Variants in RAB38 observed in about 807,000 individuals in gnomAD.
RAB38 encodes the protein RAB38, member RAS oncogene family, also known as ras-related protein Rab-38.
RAB38 carries 15 observed loss-of-function variants against 18.4 expected under a neutral mutation model. That is an observed-to-expected ratio of 0.82 (90% CI 0.55 to 1.26). The LOEUF is 1.26. Ranked by LOEUF, RAB38 falls within the 50% of genes most tolerant of loss-of-function variation. The probability of loss-of-function intolerance (pLI) is 0.00; values close to 1 mark genes in which losing one functional copy is unlikely to be tolerated. For synonymous variants in RAB38, 101 were observed against 104.4 expected, an observed-to-expected ratio of 0.97 and a Z score of 0.20; for missense variants, 294 against 267.4, an observed-to-expected ratio of 1.10 and a Z score of -0.69.
chr11:88,023,002 G>T, the RAB38 span, among the ~76,000 whole-genome samples: 4 of 152,020 alleles, frequency 2.6e-5, no homozygotes, highest in Non-Finnish European at 5.9e-5. Flanking sequence ...CCTTTTGGAG[G>T]GTATAGAGTG....
chr11:88,004,201 G>A, the RAB38 span, among the ~76,000 whole-genome samples: 126,751 of 149,498 alleles, frequency 0.85, 53,854 homozygotes, highest in South Asian at 0.91. Context: ...ACAGATGAAA[G>A]GACATACATT....
intron 2 of RAB38, among the ~76,000 whole-genome samples, chr11:88,136,605 A>G (rs946717195): frequency 2.6e-5 from 4 of 152,200 alleles, no homozygotes; most frequent in Non-Finnish European, 4.4e-5. Context: ...AGAAAGCTGG[A>G]AAGAATGAGA....
At chr11:87,947,332 G>A in the RAB38 span, among the ~76,000 whole-genome samples, 1 of 152,130 alleles carries the variant, frequency 6.6e-6, no homozygotes, top group African/African-American at 2.4e-5. Context: ...CTCCCATTCT[G>A]TAGGCTGCCT....
At chr11:88,035,343 T>C in the RAB38 span, among the ~76,000 whole-genome samples, 2 of 152,168 alleles carry the variant, frequency 1.3e-5, no homozygotes, top group Non-Finnish European at 2.9e-5. Context: ...TTTTATTCTC[T>C]AACAACTTTT....
chr11:87,960,675 T>TA, the RAB38 span, among the ~76,000 whole-genome samples: 2 of 152,168 alleles, frequency 1.3e-5, no homozygotes, highest in Non-Finnish European at 2.9e-5. Context: ...TAACCTGCAT[T>TA]TCGGTTACAT....
At chr11:88,171,908 T>C (rs915295772) in intron 1 of RAB38, among the ~76,000 whole-genome samples, 4 of 152,250 alleles carry the variant, frequency 2.6e-5, no homozygotes, top group African/African-American at 9.6e-5. Context: ...CTAATCAAGA[T>C]AAAATTTTCA....
the RAB38 span, among the ~76,000 whole-genome samples, chr11:88,011,764 G>T: frequency 2.6e-5 from 4 of 151,998 alleles, no homozygotes; most frequent in Non-Finnish European, 4.4e-5. Flanking sequence ...TCATCCACAG[G>T]GTAGAAAATT....
chr11:87,843,994 A>G, the RAB38 span, among the ~76,000 whole-genome samples: 2 of 152,200 alleles, frequency 1.3e-5, no homozygotes, highest in East Asian at 1.9e-4. Flanking sequence ...TTTTGATAAC[A>G]TATTTCCTCA....
intron 2 of RAB38, among the ~76,000 whole-genome samples, chr11:88,121,820 C>T (rs1179178750): frequency 1.3e-5 from 2 of 151,882 alleles, no homozygotes; most frequent in Non-Finnish European, 2.9e-5. Context: ...CCTCGGCCTC[C>T]CAAAGTGCTG....
chr11:88,048,873 C>T, the RAB38 span, among the ~76,000 whole-genome samples: 2 of 152,182 alleles, frequency 1.3e-5, no homozygotes, highest in Non-Finnish European at 1.5e-5. Context: ...CCTCCTTAGG[C>T]ACTCTGGTTA....
chr11:87,959,570 A>C, the RAB38 span, among the ~76,000 whole-genome samples: 1 of 152,178 alleles, frequency 6.6e-6, no homozygotes, highest in African/African-American at 2.4e-5. Context: ...ACAGCTCCTG[A>C]ATTTGTATAA....
At chr11:87,940,696 T>C in the RAB38 span, among the ~76,000 whole-genome samples, 2 of 151,652 alleles carry the variant, frequency 1.3e-5, no homozygotes, top group African/African-American at 4.8e-5. Flanking sequence ...CAGACTAGAG[T>C]GTAGTGGTGA....
chr11:88,108,487 T>C (rs182554931), downstream of RAB38, among the ~76,000 whole-genome samples: 342 of 152,302 alleles, frequency 2.2e-3, no homozygotes, highest in African/African-American at 7.8e-3. Flanking sequence ...TTGCTTTCCA[T>C]TTGCTTGGTA....
the RAB38 span, among the ~76,000 whole-genome samples, chr11:87,913,918 T>C: frequency 0.088 from 13,310 of 152,108 alleles, 1,486 homozygotes; most frequent in African/African-American, 0.27. Context: ...CTTGGAACTC[T>C]CAGCCTCCAT....
At chr11:88,121,841 C>A (rs562280164) in intron 2 of RAB38, among the ~76,000 whole-genome samples, 1 of 151,770 alleles carries the variant, frequency 6.6e-6, no homozygotes, top group South Asian at 2.1e-4. Flanking sequence ...GGATTACAGG[C>A]GTGAGCTGCC....
At chr11:88,126,254 G>A (rs775841222) in intron 2 of RAB38, among the ~76,000 whole-genome samples, 40 of 152,104 alleles carry the variant, frequency 2.6e-4, no homozygotes, top group Non-Finnish European at 4.3e-4. Flanking sequence ...ACATGCACAC[G>A]TATGTTTATT....
the RAB38 span, among the ~76,000 whole-genome samples, chr11:87,903,852 CTTT>C: frequency 2.7e-5 from 4 of 150,028 alleles, no homozygotes; most frequent in Admixed American, 2.0e-4. Flanking sequence ...TATTATTTTC[CTTT>C]TATTGTCAGT....
At chr11:88,027,473 G>C in the RAB38 span, among the ~76,000 whole-genome samples, 4 of 152,310 alleles carry the variant, frequency 2.6e-5, no homozygotes, top group South Asian at 8.3e-4. Context: ...CCTAGTCAAA[G>C]AAAGGGGTGA....
At chr11:87,923,237 C>A in the RAB38 span, among the ~76,000 whole-genome samples, 1 of 151,836 alleles carries the variant, frequency 6.6e-6, no homozygotes, top group Non-Finnish European at 1.5e-5. Flanking sequence ...AATATTACCA[C>A]CTTTGAAAAT....
Sources: allele counts gnomAD v4.1 joint callset (sites outside exome capture counted in the v4.1 genomes callset), GRCh38; gene constraint gnomAD v4.1.1; transcripts MANE v1.5; gene names NCBI Gene and HGNC (gene_info 2026-07-23, HGNC 2026-07-21).